The following SANBR variants were observed in gnomAD, a reference collection of about 807,000 sequenced individuals.
SANBR encodes SANT and BTB domain regulator of CSR, also known as SANT and BTB domain regulator of class switch recombination.
A neutral mutation model predicts 101.8 loss-of-function variants in SANBR; 77 were observed. The ratio of observed to expected loss-of-function variants is 0.76; its 90% confidence interval spans 0.63 to 0.91. SANBR has a LOEUF of 0.91. Among genes scored for constraint, SANBR ranks in the 40% least tolerant of loss-of-function variants. The pLI is 0.00. For missense variants in SANBR, 875 were observed against 853.0 expected (o/e 1.03, Z -0.32); for synonymous variants, 279 against 274.7 (o/e 1.02, Z -0.15).
At chr2:61,130,349 T>C (rs560971078) in intron 20 of SANBR, among the ~76,000 whole-genome samples, 17 of 152,120 alleles carry the variant, frequency 1.1e-4, no homozygotes, top group Non-Finnish European at 1.9e-4. Flanking sequence ...CTACTGAAAC[T>C]GACTCAGAAA....
intron 20 of SANBR, among the ~76,000 whole-genome samples, chr2:61,133,891 A>G (rs1002816692): frequency 6.6e-6 from 1 of 152,226 alleles, no homozygotes; most frequent in African/African-American, 2.4e-5. Context: ...GTCTGAGAGT[A>G]TACTTAAAAC....
intron 5 of SANBR, among the ~76,000 whole-genome samples, chr2:61,075,621 G>T (rs1312509025): frequency 1.3e-5 from 2 of 152,116 alleles, no homozygotes; most frequent in Non-Finnish European, 2.9e-5. Context: ...ACTCTCTGAT[G>T]TGTCATTTAA....
intron 20 of SANBR, among the ~76,000 whole-genome samples, chr2:61,129,337 G>A (rs1001360238): frequency 1.3e-5 from 2 of 151,898 alleles, no homozygotes; most frequent in Middle Eastern, 3.4e-3. Flanking sequence ...CCAGCTACTC[G>A]GGAGGTTGAG....
intron 6 of SANBR, among the ~76,000 whole-genome samples, chr2:61,078,964 A>G (rs887678755): frequency 4.6e-5 from 7 of 152,034 alleles, no homozygotes; most frequent in Non-Finnish European, 1.0e-4. Flanking sequence ...GCACGAGCCC[A>G]TGAGGCAGAG....
At chr2:61,067,580 A>G (rs950894653) in intron 1 of SANBR, among the ~76,000 whole-genome samples, 3 of 152,158 alleles carry the variant, frequency 2.0e-5, no homozygotes, top group African/African-American at 7.2e-5. Context: ...TACTAAAAAT[A>G]CAAAAATTAG....
intron 20 of SANBR, among the ~76,000 whole-genome samples, chr2:61,131,909 A>G (rs1355535718): frequency 2.0e-5 from 3 of 152,234 alleles, no homozygotes; most frequent in East Asian, 1.9e-4. Flanking sequence ...ACTGATTTTC[A>G]TCAAGGGTGA....
intron 5 of SANBR, among the ~76,000 whole-genome samples, chr2:61,074,565 T>G (rs1681658321): frequency 6.6e-6 from 1 of 152,152 alleles, no homozygotes; most frequent in East Asian, 1.9e-4. Context: ...TGTGCCACCG[T>G]GCCCATTTTT....
intron 16 of SANBR, among the ~76,000 whole-genome samples, chr2:61,113,712 G>A (rs1216432192): frequency 6.6e-6 from 1 of 152,106 alleles, no homozygotes; most frequent in Admixed American, 6.5e-5. Flanking sequence ...TCATTTATTA[G>A]ATTTCATTCC....
intron 7 of SANBR, among the ~76,000 whole-genome samples, chr2:61,082,277 T>C (rs975929724): frequency 2.0e-5 from 3 of 152,198 alleles, no homozygotes; most frequent in Non-Finnish European, 2.9e-5. Context: ...TTGAAATTTT[T>C]GAAACCTTTG....
At chr2:61,088,585 T>A (rs2104893109) in intron 10 of SANBR, 117 bp downstream of exon 10, 2 of 618,806 alleles carry the variant, frequency 3.2e-6, no homozygotes, top group South Asian at 4.0e-5. Flanking sequence ...AGTGGTGTGG[T>A]CTTGGCTGAC....
Position 61,122,961 on chromosome 2 carries a change from A to C in SANBR, c.*799A>C. The C allele has an allele frequency of 3.0e-6, 3 of 984,966 alleles. No individual in the cohort carries two copies. Among genetic ancestry groups the C allele is most frequent in the Non-Finnish European group, 3.6e-6 (3 of 829,362 alleles). 61.0% of individuals were successfully genotyped at this position (984,966 alleles called of 1,614,324 possible). ...CCCACTGTACAGTTCTCAGGGCTCT[A>C]AAACCCAACCATATTTCTGTAACCA... On this transcript the variant is annotated 3_prime_UTR_variant, in exon 22 of 22. Transcript: ENST00000402291.
intron 11 of SANBR, among the ~76,000 whole-genome samples, chr2:61,094,324 T>C (rs1414704402): frequency 6.6e-6 from 1 of 152,206 alleles, no homozygotes; most frequent in East Asian, 1.9e-4. Flanking sequence ...GTCTGTTTTC[T>C]CTATATATAG....
intron 8 of SANBR, among the ~76,000 whole-genome samples, chr2:61,084,652 G>T (rs1483126887): frequency 2.0e-5 from 3 of 152,100 alleles, no homozygotes; most frequent in Admixed American, 6.6e-5. Context: ...GGGTTGTTTA[G>T]GTCATAGCAA....
intron 11 of SANBR, 50 bp from the exon 12 acceptor site, chr2:61,097,648 CAT>C (rs1683092135): frequency 5.9e-6 from 8 of 1,355,608 alleles, no homozygotes; most frequent in Middle Eastern, 1.9e-4. Context: ...ATTTTTGAAA[CAT>C]ATAATTTTGT....
At position 61,083,131 on chromosome 2, in the gene SANBR, ATTTATT is replaced by A. The variant is rs1559089034; in HGVS notation, c.730-20_730-15del. On this transcript the variant is annotated splice_polypyrimidine_tract_variant and intron_variant, in intron 7 of 21. Transcript: ENST00000402291. Reference sequence around the variant, plus strand: ...TGTCCTTCATGCTACTATTTTCGACATTTATTTTCTATGATTTTTTAGGTTGAACAG... The same window carrying A: ...TGTCCTTCATGCTACTATTTTCGACATTCTATGATTTTTTAGGTTGAACAG... 1 of 1,568,006 alleles carries A rather than the reference ATTTATT, an allele frequency of 6.4e-7. No individual in the cohort carries two copies.
intron 14 of SANBR, among the ~76,000 whole-genome samples, chr2:61,108,004 A>G (rs898817332): frequency 6.6e-6 from 1 of 152,228 alleles, no homozygotes; most frequent in Non-Finnish European, 1.5e-5. Context: ...AAATATAAAC[A>G]TTAAAAAGTG....
At chr2:61,112,482 C>T (rs375097932) in intron 16 of SANBR, among the ~76,000 whole-genome samples, 76 of 151,808 alleles carry the variant, frequency 5.0e-4, no homozygotes, top group African/African-American at 1.8e-3. Context: ...CTATGCCTTG[C>T]CTTTTAATTT....
At chr2:61,087,480 C>T in intron 8 of SANBR, among the ~76,000 whole-genome samples, 1 of 151,554 alleles carries the variant, frequency 6.6e-6, no homozygotes, top group East Asian at 1.9e-4. Flanking sequence ...ATCACCTGAT[C>T]CCAGGAGTTT....
At chr2:61,087,584 G>C (rs1022560597) in intron 8 of SANBR, among the ~76,000 whole-genome samples, 8 of 152,084 alleles carry the variant, frequency 5.3e-5, no homozygotes, top group Admixed American at 1.3e-4. Flanking sequence ...GGGTGCAGTG[G>C]CTCACGCCTG....
Sources: allele counts gnomAD v4.1 joint callset (sites outside exome capture counted in the v4.1 genomes callset), GRCh38; gene constraint gnomAD v4.1.1; transcripts MANE v1.5; gene names NCBI Gene and HGNC (gene_info 2026-07-23, HGNC 2026-07-21).